CEP192: variants seen among roughly 807,000 people sequenced by gnomAD.
CEP192 encodes centrosomal protein of 192 kDa.
Under a neutral mutation model 271.8 loss-of-function variants are expected in CEP192, and 151 were observed. That is an observed-to-expected ratio of 0.56 (90% confidence interval 0.49 to 0.64). The LOEUF (loss-of-function observed/expected upper bound fraction) is 0.64. Among genes scored for constraint, CEP192 ranks in the 30% least tolerant of loss-of-function variants. CEP192 has a pLI of 0.00. For synonymous variants in CEP192, 995 were observed against 1,076.5 expected, an observed-to-expected ratio of 0.92 and a Z score of 1.48; for missense variants, 2,910 against 3,020.5, an observed-to-expected ratio of 0.96 and a Z score of 0.86.
intron 21 of CEP192, 37 bp downstream of exon 21, chr18:13,059,349 A>G (rs763675990): frequency 6.5e-7 from 1 of 1,538,408 alleles, no homozygotes; most frequent in Non-Finnish European, 9.0e-7. Context: ...CATACCTGGC[A>G]TTTTAAAGAA....
At chr18:13,002,742 A>G (rs1482000895) in intron 3 of CEP192, among the ~76,000 whole-genome samples, 1 of 152,202 alleles carries the variant, frequency 6.6e-6, no homozygotes, top group Non-Finnish European at 1.5e-5. Flanking sequence ...GGAAGTCTAA[A>G]AAACCAAAAT....
intron 44 of CEP192, among the ~76,000 whole-genome samples, chr18:13,118,686 A>AT (rs758266436): frequency 1.3e-5 from 2 of 152,212 alleles, no homozygotes; most frequent in Admixed American, 1.3e-4. Context: ...TTTGGCCTCA[A>AT]TTTCCTTATT....
At chr18:13,080,622 C>G (rs560652944) in intron 30 of CEP192, among the ~76,000 whole-genome samples, 4 of 152,240 alleles carry the variant, frequency 2.6e-5, no homozygotes, top group African/African-American at 7.2e-5. Flanking sequence ...AATTGAATAC[C>G]CTTTATTTCT....
At chr18:13,011,551 C>CT (rs2034362308) in intron 4 of CEP192, among the ~76,000 whole-genome samples, 1 of 151,960 alleles carries the variant, frequency 6.6e-6, no homozygotes, top group Non-Finnish European at 1.5e-5. Context: ...GAGACAGAGT[C>CT]TTGCTCTGTC....
Position 13,019,251 on chromosome 18 carries a change from AG to A in CEP192, c.1050+49del, listed in dbSNP as rs751406029. On this transcript the variant is annotated intron_variant, in intron 9 of 44. Transcript: ENST00000506447. ...TAGATTTCCTATAAAAAAAGGAATA[AG>A]GGGTCTTTTGTGTTTATATGATATC... is the stretch of plus-strand genomic sequence containing the variant. The A allele has an allele frequency of 6.9e-6, 10 of 1,441,346 alleles. No homozygotes were observed. The African/African-American group carries it at 1.5e-4, about 21-fold the overall frequency. 89.3% of individuals were successfully genotyped at this position (1,441,346 alleles called of 1,614,324 possible).
At chr18:13,084,988 T>TG (rs1353058825) in intron 30 of CEP192, among the ~76,000 whole-genome samples, 13 of 150,062 alleles carry the variant, frequency 8.7e-5, no homozygotes, top group Non-Finnish European at 1.9e-4. Flanking sequence ...GCTAATTTTT[T>TG]GGGTTTTTTT....
Position 13,059,236 on chromosome 18 carries a change from C to A in CEP192, c.4412C>A (p.Ala1471Asp). Residue 1471 changes from alanine to aspartate, a missense_variant, in exon 21 of 45, where the codon GCT becomes GAT. Ala to Asp is a moderately radical substitution (Grantham distance 126). Coordinates refer to ENST00000506447, the MANE Select transcript of CEP192 (RefSeq NM_032142.4). ...SVASWPCSTD[A>D]ETIVQAEALA... ...GCTTCTTGGCCATGTTCGACAGATG[C>A]TGAGACCATCGTACAGGCAGAAGCT... The A allele has an allele frequency of 6.2e-7, 1 of 1,614,166 alleles. No homozygotes were observed. Among genetic ancestry groups the A allele is most frequent in the Non-Finnish European group, 8.5e-7 (1 of 1,180,026 alleles).
Position 13,098,584 on chromosome 18 carries a change from C to T in CEP192, c.6558-892C>T, listed in dbSNP as rs1462660530. Among the ~76,000 whole-genome samples the T allele has an allele frequency of 2.6e-4, 39 of 149,782 alleles. No individual in the cohort carries two copies. The East Asian group carries it at 3.9e-3, about 15-fold the overall frequency. ...CGCTCCCCACATCTCAGACGATGGG[C>T]GGCCGGGCAGAGATGCTCCTCACTT... On this transcript the variant is annotated intron_variant, in intron 36 of 44. Coordinates refer to ENST00000506447, the MANE Select transcript of CEP192 (RefSeq NM_032142.4).
chr18:13,030,443 T>C (rs749851807), intron 10 of CEP192, 22 bp from the exon 11 acceptor site: 58 of 1,526,974 alleles, frequency 3.8e-5, no homozygotes, highest in Non-Finnish European at 5.0e-5. Flanking sequence ...TCATTTGATA[T>C]TTTGGGAATT....
intron 9 of CEP192, among the ~76,000 whole-genome samples, chr18:13,027,851 A>G (rs1246423690): frequency 1.3e-5 from 2 of 149,416 alleles, no homozygotes; most frequent in East Asian, 2.0e-4. Context: ...TTTTTTTTCT[A>G]TTGGGGTATT....
At chr18:13,067,761 G>A (rs2037787319) in intron 21 of CEP192, 70 bp from the exon 22 acceptor site, 2 of 1,320,818 alleles carry the variant, frequency 1.5e-6, no homozygotes, top group Non-Finnish European at 2.1e-6. Flanking sequence ...AAATGGCAGT[G>A]ATATGAACAT....
rs542816497 is a variant in CEP192 at position 13,086,027 on chromosome 18, T to G, written c.5617-990T>G. On this transcript the variant is annotated intron_variant, in intron 30 of 44. Coordinates refer to ENST00000506447, the MANE Select transcript of CEP192 (RefSeq NM_032142.4). ...TCTCGATATTGAGTCCATGGAATGT[T>G]TTTCCATTTCTTTGTGTCTTCTCTT... Among the ~76,000 whole-genome samples, 4 of 152,318 alleles carry G rather than the reference T, an allele frequency of 2.6e-5. No individual in the cohort carries two copies. In the South Asian group the frequency reaches 8.3e-4, roughly 32 times the overall value.
intron 1 of CEP192, among the ~76,000 whole-genome samples, chr18:12,997,023 G>C (rs1352395703): frequency 2.0e-5 from 3 of 152,224 alleles, no homozygotes; most frequent in South Asian, 4.1e-4. Context: ...GTAGAGGAAG[G>C]CTTTTTTTAA....
chr18:13,056,007 T>A lies in CEP192; in HGVS notation c.3417T>A (p.Asp1139Glu). 6.2e-7 allele frequency: 1 copy of A among 1,614,220 alleles called. No individual in the cohort carries two copies. Among genetic ancestry groups the A allele is most frequent in the South Asian group, 1.1e-5 (1 of 91,082 alleles). The stretch of plus-strand genomic sequence containing the variant: ...AACCTGACTTTAGATGGAGTAAAGA[T>A]CCTTCCTCCAAAAGTGGAAATCTGT... ...YVKPDFRWSKDPSSKSGNLLE... is the reference protein window; with the variant it reads ...YVKPDFRWSKEPSSKSGNLLE... Residue 1139 changes from aspartate to glutamate, a missense_variant, in exon 19 of 45, where the codon GAT becomes GAA. Asp to Glu is a conservative substitution (Grantham distance 45). Transcript: ENST00000506447.
rs9958251 is a variant in CEP192 at position 13,083,198 on chromosome 18, A to G, written c.5617-3819A>G. 3.8e-3 allele frequency among the ~76,000 whole-genome samples: 574 copies of G among 152,316 alleles called. 2 individuals are homozygous for G. Among genetic ancestry groups the G allele is most frequent in the African/African-American group, 0.013 (555 of 41,564 alleles). On this transcript the variant is annotated intron_variant, in intron 30 of 44. Transcript: ENST00000506447. The stretch of plus-strand genomic sequence containing the variant: ...GCTAGGTGGGGAAGTTCTCCTGGAT[A>G]ATATCCTGCAGTGTGTTTTCCAACT...
At chr18:13,075,868 T>C (rs1278954255) in intron 30 of CEP192, among the ~76,000 whole-genome samples, 1 of 152,206 alleles carries the variant, frequency 6.6e-6, no homozygotes, top group Admixed American at 6.5e-5. Context: ...TCAAATTCAG[T>C]CTGGGTGAAT....
rs545191456 is a variant in CEP192, at chr18:13,003,451, GAAAAAAAA to G, written c.290+1883_290+1890del. 7.9e-3 allele frequency among the ~76,000 whole-genome samples: 804 copies of G among 101,512 alleles called. 7 individuals are homozygous for G. The highest frequency in any genetic ancestry group is 0.027 in the African/African-American group (768 of 28,924). 66.6% of individuals were successfully genotyped at this position (101,512 alleles called of 152,430 possible). ...GCAACAGAGTGAGACTCTGTCTCAA[GAAAAAAAA>G]AAAAAAAAAAAAAGAAGATATGAGC... On this transcript the variant is annotated intron_variant, in intron 3 of 44. Coordinates refer to ENST00000506447, the MANE Select transcript of CEP192 (RefSeq NM_032142.4).
intron 30 of CEP192, among the ~76,000 whole-genome samples, chr18:13,081,427 G>T (rs1009737602): frequency 1.3e-5 from 2 of 152,178 alleles, no homozygotes; most frequent in Non-Finnish European, 2.9e-5. Flanking sequence ...TTGTGTAGAG[G>T]TGTTTATATT....
intron 35 of CEP192, 51 bp from the exon 36 acceptor site, chr18:13,096,133 T>C (rs976201606): frequency 6.3e-7 from 1 of 1,592,566 alleles, no homozygotes; most frequent in African/African-American, 1.3e-5. Flanking sequence ...AATATTTGTC[T>C]TTTTCACTGT....
Sources: allele counts gnomAD v4.1 joint callset (sites outside exome capture counted in the v4.1 genomes callset), GRCh38; gene constraint gnomAD v4.1.1; transcripts MANE v1.5; gene names NCBI Gene and HGNC (gene_info 2026-07-23, HGNC 2026-07-21).